Variants in MS4A14 observed in about 807,000 individuals in gnomAD.
MS4A14 encodes membrane-spanning 4-domains subfamily A member 14.
Under a neutral mutation model 16.7 loss-of-function variants are expected in MS4A14, and 18 were observed. The observed-to-expected ratio is 1.08, with a 90% CI of 0.75 to 1.60. The LOEUF is 1.60. Ranked by LOEUF, MS4A14 falls within the 40% of genes most tolerant of loss-of-function variation. The pLI is 0.00. For synonymous variants in MS4A14, 305 were observed against 289.4 expected, an observed-to-expected ratio of 1.05 and a Z score of -0.55; for missense variants, 812 against 775.3, an observed-to-expected ratio of 1.05 and a Z score of -0.56.
rs539197621 is a variant in MS4A14 at position 60,406,056 on chromosome 11, A to G, written c.468+2995A>G. 2.5e-5 allele frequency: 23 copies of G among 923,252 alleles called. No homozygotes were observed. The South Asian group carries it at 4.0e-4, about 16-fold the overall frequency. The allele number at this position is 923,252 out of a possible 1,614,324, so 57.2% of individuals were successfully genotyped here. The stretch of plus-strand genomic sequence containing the variant: ...TGTTCCTGTTGGGATACTGCACACA[A>G]TGATGTCTGATTTATTAGTAGGAAA... On this transcript the variant is annotated intron_variant, in intron 4 of 4. Transcript: ENST00000300187.
At chr11:60,415,395 A>G in intron 4 of MS4A14, 42 bp from the exon 5 acceptor site, 2 of 1,528,988 alleles carry the variant, frequency 1.3e-6, no homozygotes, top group Non-Finnish European at 1.7e-6. Context: ...AAAATCAGAC[A>G]TGATTCTGTC....
At position 60,416,061 on chromosome 11, in the gene MS4A14, A is replaced by C. The variant is rs753002112; in HGVS notation, c.1093A>C (p.Thr365Pro). The C allele has an allele frequency of 6.2e-7, 1 of 1,612,760 alleles. No individual in the cohort carries two copies. The highest frequency in any genetic ancestry group is 1.3e-5 in the African/African-American group (1 of 74,994). ...LPPQGILSQD[T>P]SSQDMLFHDM... ...CCCTCAAGGCATACTATCCCAAGAC[A>C]CATCATCTCAAGATATGCTGTTTCA... is the stretch of plus-strand genomic sequence containing the variant. Residue 365 changes from threonine (T) to proline (P), a missense_variant, in exon 5 of 5, where the codon ACA becomes CCA. Thr to Pro is a conservative substitution (Grantham distance 38). Transcript: ENST00000300187.
At chr11:60,399,318 C>A (rs888312145) in intron 2 of MS4A14, among the ~76,000 whole-genome samples, 1 of 152,084 alleles carries the variant, frequency 6.6e-6, no homozygotes. Flanking sequence ...GCTCACTAGG[C>A]GAAGTGGAAG....
intron 4 of MS4A14, among the ~76,000 whole-genome samples, chr11:60,405,359 G>A (rs780866533): frequency 1.1e-4 from 16 of 152,166 alleles, no homozygotes; most frequent in South Asian, 4.1e-4. Flanking sequence ...GATTACAGGC[G>A]TGAGCCACCG....
rs551519116 is a variant in MS4A14, at chr11:60,403,996, T to C, written c.468+935T>C. On this transcript the variant is annotated intron_variant, in intron 4 of 4. Transcript: ENST00000300187. The stretch of plus-strand genomic sequence containing the variant: ...GAGATAAATTCTAAAATTAGACTCA[T>C]GATAGATTACTAAAGAAAGCCAGAA... Among the ~76,000 whole-genome samples, 14 of 152,292 alleles carry C rather than the reference T, an allele frequency of 9.2e-5. 1 individual carries two copies. The South Asian group carries it at 2.9e-3, about 32-fold the overall frequency.
intron 1 of MS4A14, 65 bp from the exon 2 acceptor site, chr11:60,397,787 G>A (rs1303491049): frequency 1.7e-5 from 27 of 1,557,320 alleles, no homozygotes; most frequent in Non-Finnish European, 2.3e-5. Context: ...CACCCTGAGG[G>A]ACGTGGGGTA....
intron 3 of MS4A14, among the ~76,000 whole-genome samples, chr11:60,401,509 T>G (rs963020635): frequency 3.3e-5 from 5 of 152,208 alleles, no homozygotes; most frequent in African/African-American, 9.6e-5. Context: ...GCAGGAATGA[T>G]GGAGGCAGGA....
rs2085736039 is a variant in MS4A14, at chr11:60,402,936, G to A, written c.343G>A (p.Val115Ile). The A allele has an allele frequency of 3.1e-6, 5 of 1,613,728 alleles. No homozygotes were observed. The highest frequency in any genetic ancestry group is 4.2e-6 in the Non-Finnish European group (5 of 1,179,758). The change falls in exon 4 of 5, where the codon GTT becomes ATT. Residue 115 changes from valine to isoleucine, a missense_variant. Val to Ile is a conservative substitution (Grantham distance 29, BLOSUM62 3). Coordinates refer to ENST00000300187, the MANE Select transcript of MS4A14 (RefSeq NM_032597.5). ...GGGTCAAGGTGTCACGGGCATGAAT[G>A]TTATCAGCTCCTTGGTTGCGATAAC... ...LLGQGVTGMN[V>I]ISSLVAITGI...
chr11:60,400,523 C>A, intron 3 of MS4A14, 69 bp downstream of exon 3: 1 of 1,126,738 alleles, frequency 8.9e-7, no homozygotes, highest in Non-Finnish European at 1.3e-6. Context: ...TGTATGAAGC[C>A]TTTAGTAATA....
intron 4 of MS4A14, chr11:60,406,127 G>T (rs926503387): frequency 5.2e-6 from 3 of 573,684 alleles, no homozygotes; most frequent in Non-Finnish European, 8.7e-6. Context: ...ATTTAGGAAG[G>T]TCAGAGAGGG....
chr11:60,399,322 G>A (rs1169690642), intron 2 of MS4A14, among the ~76,000 whole-genome samples: 1 of 152,202 alleles, frequency 6.6e-6, no homozygotes, highest in African/African-American at 2.4e-5. Context: ...ACTAGGCGAA[G>A]TGGAAGGAAA....
chr11:60,400,313 C>T (rs2085693060), intron 2 of MS4A14, 91 bp from the exon 3 acceptor site: 7 of 815,294 alleles, frequency 8.6e-6, no homozygotes, highest in Non-Finnish European at 1.2e-5. Context: ...TGGAGATTCA[C>T]AAACAGATAT....
intron 4 of MS4A14, among the ~76,000 whole-genome samples, chr11:60,407,006 CTTTTTTTTTT>C (rs71036579): frequency 1.3e-5 from 1 of 74,636 alleles, no homozygotes; most frequent in Admixed American, 1.9e-4. Flanking sequence ...ATCAATTTAC[CTTTTTTTTTT>C]TTTTTTTTTT....
intron 4 of MS4A14, among the ~76,000 whole-genome samples, chr11:60,414,533 G>C (rs116008313): frequency 0.02 from 2,992 of 152,154 alleles, 97 homozygotes; most frequent in African/African-American, 0.068. Context: ...ATAAAAAGCA[G>C]CAGGTTGTGC....
chr11:60,408,608 T>C (rs1374092083), intron 4 of MS4A14, among the ~76,000 whole-genome samples: 1 of 152,212 alleles, frequency 6.6e-6, no homozygotes, highest in Non-Finnish European at 1.5e-5. Flanking sequence ...ATTTTCAAGA[T>C]TAATCCATGT....
At position 60,402,892 on chromosome 11, in the gene MS4A14, AT is replaced by A. The variant is rs755429762; in HGVS notation, c.319-15del. ...TGGTTTCGATCTTATTTATTTTATC[AT>A]TTTTAAACTATCTTTCAGGGTCAAG... On this transcript the variant is annotated intron_variant, in intron 3 of 4. Transcript: ENST00000300187. 6.3e-7 allele frequency: 1 copy of A among 1,599,902 alleles called. No individual in the cohort carries two copies. The highest frequency in any genetic ancestry group is 1.1e-5 in the South Asian group (1 of 88,076).
intron 4 of MS4A14, chr11:60,405,900 A>G: frequency 6.5e-7 from 1 of 1,534,550 alleles, no homozygotes; most frequent in Non-Finnish European, 8.7e-7. Context: ...GAATTTTGTT[A>G]ATCTTACTGA....
intron 4 of MS4A14, among the ~76,000 whole-genome samples, chr11:60,406,872 A>G (rs998258858): frequency 5.9e-5 from 9 of 152,096 alleles, no homozygotes; most frequent in Non-Finnish European, 1.0e-4. Flanking sequence ...ATCATAAGTA[A>G]GTACTCTCTG....
chr11:60,416,657 T>G lies in MS4A14; in HGVS notation c.1689T>G (p.Asp563Glu). The G allele has an allele frequency of 6.2e-7, 1 of 1,613,500 alleles. No homozygotes were observed. The highest frequency in any genetic ancestry group is 8.5e-7 in the Non-Finnish European group (1 of 1,179,888). ...ATCAAACTAAAGAGCAACTCCCAGA[T>G]CAGCAAGCTGAAGATCAGCAAGCCA... ...QLNQTKEQLP[D>E]QQAEDQQAKG... Residue 563 changes from aspartate (D) to glutamate (E), a missense_variant, in exon 5 of 5, where the codon GAT becomes GAG. Transcript: ENST00000300187.
Sources: gnomAD v4.1 joint callset for allele counts (sites outside exome capture counted in the v4.1 genomes callset) on GRCh38, gnomAD v4.1.1 for gene constraint, MANE v1.5 for transcripts, NCBI Gene and HGNC (gene_info 2026-07-23, HGNC 2026-07-21) for gene names.